The following BAIAP2 variants were observed in gnomAD, a reference collection of about 807,000 sequenced individuals.
BAIAP2 encodes the protein BAR/IMD domain-containing adapter protein 2.
BAIAP2 carries 18 observed loss-of-function variants against 63.0 expected under a neutral mutation model. The observed-to-expected ratio is 0.29, with a 90% CI of 0.20 to 0.42. The LOEUF (loss-of-function observed/expected upper bound fraction) is 0.42, where lower values mean the gene tolerates loss of function less well. BAIAP2 is among the 10% of genes least tolerant of loss of function. The pLI is 1.00. For synonymous variants in BAIAP2, 386 were observed against 307.6 expected (o/e 1.25, Z -2.67); for missense variants, 610 against 734.3 (o/e 0.83, Z 1.96).
chr17:81,055,570 T>G (rs112415383), intron 2 of BAIAP2, among the ~76,000 whole-genome samples: 29 of 47,392 alleles, frequency 6.1e-4, no homozygotes, highest in Admixed American at 1.6e-3. Context: ...CTGCAGGGTG[T>G]TTTGTTTTTT....
At position 81,046,757 on chromosome 17, in the gene BAIAP2, G is replaced by T. The variant is rs1286028192; in HGVS notation, c.55-6911G>T. 6.6e-6 allele frequency among the ~76,000 whole-genome samples: 1 copy of T among 152,182 alleles called. No individual in the cohort carries two copies. On this transcript the variant is annotated intron_variant, in intron 1 of 13. Transcript: ENST00000428708. This position sits in a 1 kb window ranked among gnomAD's most constrained non-coding sequence, Gnocchi z 4.5. ...AGTCCATGCTGTACATGTGGCCGGG[G>T]GTTTCCAGGCTTGGCTCTGTCCCGT...
chr17:81,106,581 A>G (rs536407132), intron 11 of BAIAP2, among the ~76,000 whole-genome samples, 164 bp from the exon 12 acceptor site: 70 of 152,310 alleles, frequency 4.6e-4, no homozygotes, highest in Middle Eastern at 3.4e-3. Flanking sequence ...GGGAGGCCAG[A>G]CTGGCCCGGC....
intron 3 of BAIAP2, chr17:81,076,124 G>C (rs987865253): frequency 1.3e-5 from 2 of 152,166 alleles, no homozygotes; most frequent in Admixed American, 1.3e-4. Flanking sequence ...TGCTTGGCTG[G>C]GGGGAGTGCC....
chr17:81,036,928 AAGC>A (rs2046353358), intron 1 of BAIAP2: 1 of 1,535,812 alleles, frequency 6.5e-7, no homozygotes, highest in African/African-American at 1.4e-5. Flanking sequence ...TGAAACCAGA[AAGC>A]AGGAACTTTC....
chr17:81,072,222 G>T (rs1476743851), intron 3 of BAIAP2, among the ~76,000 whole-genome samples: 2 of 152,234 alleles, frequency 1.3e-5, no homozygotes, highest in African/African-American at 2.4e-5. Context: ...TGGCTGGAGT[G>T]CCCCAGGGCA....
intron 3 of BAIAP2, among the ~76,000 whole-genome samples, chr17:81,072,089 G>A (rs1002138668): frequency 6.6e-6 from 1 of 152,218 alleles, no homozygotes; most frequent in Non-Finnish European, 1.5e-5. Flanking sequence ...TAGGGCTGGG[G>A]TTCCCTGCGG....
chr17:81,103,514 C>G lies in BAIAP2; in HGVS notation c.655C>G (p.Leu219Val). ...AAYHSKGKEL[L>V]AQKLPLWQQA... ...GCTTCCACTTCAGGGCAAGGAGCTG[C>G]TGGCGCAGAAGCTGCCGCTGTGGCA... Residue 219 changes from leucine (L) to valine (V), a missense_variant, in exon 8 of 14, where the codon CTG (leucine) becomes GTG (valine). Leu to Val is a conservative substitution (Grantham distance 32, BLOSUM62 1). Around this residue, in one of 5 missense-constraint regions of BAIAP2, gnomAD observed 389 missense variants for 455.6 expected, o/e 0.85. Transcript: ENST00000428708. The G allele has an allele frequency of 6.3e-7, 1 of 1,577,310 alleles. No homozygotes were observed. The highest frequency in any genetic ancestry group is 8.6e-7 in the Non-Finnish European group (1 of 1,168,786).
At chr17:81,090,957 C>T (rs1194696343) in intron 6 of BAIAP2, among the ~76,000 whole-genome samples, 1 of 152,204 alleles carries the variant, frequency 6.6e-6, no homozygotes, top group African/African-American at 2.4e-5. Flanking sequence ...CTCTCCACTT[C>T]TGAAGAGAGG....
rs181033385 is a variant in BAIAP2, at chr17:81,037,011, C to T, written c.54+1703C>T. The T allele has an allele frequency of 1.1e-4, 158 of 1,450,330 alleles. No homozygotes were observed. The African/African-American group carries it at 1.6e-3, about 15-fold the overall frequency. 89.8% of individuals were successfully genotyped at this position (1,450,330 alleles called of 1,614,324 possible). A position where few individuals can be genotyped will look rare whatever the true frequency, so the allele number is the denominator to read the frequency against. On this transcript the variant is annotated intron_variant, in intron 1 of 13. Transcript: ENST00000428708. Reference sequence around the variant, plus strand: ...CTGGGGGACCGACCCCGTGATCGTCCTTAATAAAACTCTCCTAACCGGGCA... The same window carrying T: ...CTGGGGGACCGACCCCGTGATCGTCTTTAATAAAACTCTCCTAACCGGGCA...
At chr17:81,036,713 C>T in intron 1 of BAIAP2, 1 of 679,996 alleles carries the variant, frequency 1.5e-6, no homozygotes, top group Non-Finnish European at 2.5e-6. Flanking sequence ...TTGGGAAAGG[C>T]ACAGGCCCTG....
intron 2 of BAIAP2, among the ~76,000 whole-genome samples, chr17:81,055,579 T>TTGTTTTTTTTTGTTTTTTTTTG (rs1340867674): frequency 6.8e-6 from 1 of 146,826 alleles, no homozygotes; most frequent in East Asian, 2.0e-4. Flanking sequence ...GTTTTGTTTT[T>TTGTTTTTTTTTGTTTTTTTTTG]TTTTGAGACG....
At chr17:81,081,193 TC>T (rs1435177373) in intron 3 of BAIAP2, among the ~76,000 whole-genome samples, 1 of 152,174 alleles carries the variant, frequency 6.6e-6, no homozygotes, top group Non-Finnish European at 1.5e-5. Flanking sequence ...GCAGGACAGT[TC>T]CCTGGAGGCT....
Position 81,115,276 on chromosome 17 carries a change from C to T in BAIAP2, c.1536-494C>T, listed in dbSNP as rs567815509. 3.2e-3 allele frequency among the ~76,000 whole-genome samples: 480 copies of T among 152,344 alleles called. 1 individual carries two copies. The highest frequency in any genetic ancestry group is 4.8e-3 in the Non-Finnish European group (327 of 68,036). On this transcript the variant is annotated intron_variant, in intron 13 of 13. Coordinates refer to ENST00000428708, the MANE Select transcript of BAIAP2 (RefSeq NM_001144888.2). ...TGTCCATCTGCAGCCCTGCGGGAGCCGTGAGCCTAACCTGCCTTCTCTGGA... is the reference window on the plus strand; with the variant it reads ...TGTCCATCTGCAGCCCTGCGGGAGCTGTGAGCCTAACCTGCCTTCTCTGGA...
intron 9 of BAIAP2, 113 bp downstream of exon 9, chr17:81,104,221 T>A (rs1222701622): frequency 8.6e-7 from 1 of 1,158,372 alleles, no homozygotes; most frequent in African/African-American, 1.5e-5. Context: ...CTCACAATTA[T>A]GTGACCGTGT....
chr17:81,108,494 C>T lies in BAIAP2; in HGVS notation c.1520C>T (p.Ala507Val), dbSNP rs1468694528. The T allele has an allele frequency of 7.4e-6, 12 of 1,613,732 alleles. No individual in the cohort carries two copies. The highest frequency in any genetic ancestry group is 2.7e-5 in the African/African-American group (2 of 74,924). The change falls in exon 13 of 14, where the codon GCG (alanine) becomes GTG (valine). Residue 507 changes from alanine to valine, a missense_variant. By Grantham distance (64) the Ala-to-Val change is moderately conservative (BLOSUM62 0). Coordinates refer to ENST00000428708, the MANE Select transcript of BAIAP2 (RefSeq NM_001144888.2). ...CCCCAGGGCCTGGATGACTATGGAG[C>T]GCGGTCCATGAGCAGGTAAGGGGAC... Reference protein sequence around the residue: ...AFSQGLDDYGARSMSRNPFAH... With the variant: ...AFSQGLDDYGVRSMSRNPFAH...
At chr17:81,098,963 TCCCCCCA>T (rs2058089383) in intron 6 of BAIAP2, among the ~76,000 whole-genome samples, 1 of 8,038 alleles carries the variant, frequency 1.2e-4, no homozygotes, top group Admixed American at 2.2e-3. Flanking sequence ...ATTCTCCCCG[TCCCCCCA>T]TCCCCCCATC....
chr17:81,080,944 C>T (rs776744416), intron 3 of BAIAP2, among the ~76,000 whole-genome samples: 3 of 152,226 alleles, frequency 2.0e-5, no homozygotes, highest in Non-Finnish European at 4.4e-5. Flanking sequence ...AACTTGCTGG[C>T]CCCCACGCCA....
intron 3 of BAIAP2, among the ~76,000 whole-genome samples, chr17:81,084,121 G>A (rs1041595837): frequency 3.9e-5 from 6 of 152,166 alleles, no homozygotes; most frequent in Non-Finnish European, 7.4e-5. Flanking sequence ...CACACGGGCC[G>A]AGGAGACATC....
chr17:81,111,251 C>T (rs1365044645), intron 13 of BAIAP2, among the ~76,000 whole-genome samples: 1 of 152,276 alleles, frequency 6.6e-6, no homozygotes. Context: ...TGGTCCTCTC[C>T]TGCCCTGCTG....
Sources: allele counts gnomAD v4.1 joint callset (sites outside exome capture counted in the v4.1 genomes callset), GRCh38; gene constraint gnomAD v4.1.1; regional missense constraint gnomAD v4.1.1; non-coding constraint Gnocchi (gnomAD v3.1); transcripts MANE v1.5; gene names NCBI Gene and HGNC (gene_info 2026-07-23, HGNC 2026-07-21).